Variants in EEPD1 observed in about 807,000 individuals in gnomAD.
EEPD1 encodes endonuclease/exonuclease/phosphatase family domain-containing protein 1.
EEPD1 carries 17 observed loss-of-function variants against 46.3 expected under a neutral mutation model. That is an observed-to-expected ratio of 0.37 (90% CI 0.25 to 0.55). The LOEUF (loss-of-function observed/expected upper bound fraction) is 0.55, where lower values mean the gene tolerates loss of function less well. Ranked by LOEUF, EEPD1 falls within the 20% of genes least tolerant of loss-of-function variation. The probability of loss-of-function intolerance (pLI) is 0.83; values close to 1 mark genes in which losing one functional copy is unlikely to be tolerated. For synonymous variants in EEPD1, 313 were observed against 315.6 expected (o/e 0.99, Z 0.09); for missense variants, 673 against 745.6 (o/e 0.90, Z 1.13).
intron 2 of EEPD1, among the ~76,000 whole-genome samples, chr7:36,186,720 C>G (rs1785364485): frequency 6.6e-6 from 1 of 152,226 alleles, no homozygotes; most frequent in Non-Finnish European, 1.5e-5. Flanking sequence ...TGAATGTGTA[C>G]TCACGTGGGT....
intron 2 of EEPD1, among the ~76,000 whole-genome samples, chr7:36,198,337 GAA>G (rs1785646235): frequency 4.7e-5 from 1 of 21,120 alleles, no homozygotes; most frequent in African/African-American, 2.0e-4. Flanking sequence ...AAAAAAAAAA[GAA>G]AAGAAAAAAA....
chr7:36,278,405 C>T (rs1345181873), intron 3 of EEPD1, among the ~76,000 whole-genome samples: 1 of 150,956 alleles, frequency 6.6e-6, no homozygotes, highest in Non-Finnish European at 1.5e-5. Flanking sequence ...CTGGTGGCAC[C>T]GCTGCAGACA....
chr7:36,252,711 G>A (rs988521391), intron 3 of EEPD1, among the ~76,000 whole-genome samples: 2 of 152,070 alleles, frequency 1.3e-5, no homozygotes, highest in African/African-American at 4.8e-5. Context: ...GGAACTAGCT[G>A]TTGGTGAGCT....
intron 5 of EEPD1, among the ~76,000 whole-genome samples, chr7:36,285,463 C>A (rs1787329660): frequency 6.6e-6 from 1 of 152,190 alleles, no homozygotes; most frequent in Non-Finnish European, 1.5e-5. Context: ...TCTGTCCCCC[C>A]AGCATCTGGG....
At chr7:36,250,508 T>C (rs1786719494) in intron 3 of EEPD1, among the ~76,000 whole-genome samples, 1 of 152,194 alleles carries the variant, frequency 6.6e-6, no homozygotes, top group Non-Finnish European at 1.5e-5. Context: ...ATAGCTTGTT[T>C]TTATAAAGTT....
At position 36,287,795 on chromosome 7, in the gene EEPD1, G is replaced by T; in HGVS notation, c.1315+18G>T. On this transcript the variant is annotated intron_variant, in intron 6 of 7. Coordinates refer to ENST00000242108, the MANE Select transcript of EEPD1 (RefSeq NM_030636.3). ...CCTGAAAGGTAGGACATTGTCTTTT[G>T]CTGTGACTCGGCCACTGTTTTGCAG... The T allele has an allele frequency of 1.2e-6, 2 of 1,612,264 alleles. No homozygotes were observed. The highest frequency in any genetic ancestry group is 1.7e-6 in the Non-Finnish European group (2 of 1,178,830).
chr7:36,235,522 C>T (rs865983883), intron 2 of EEPD1, among the ~76,000 whole-genome samples: 2 of 152,262 alleles, frequency 1.3e-5, no homozygotes, highest in East Asian at 3.8e-4. Context: ...GGCCCGGCTC[C>T]CCTCTGCATC....
chr7:36,180,751 G>A (rs867857695), intron 2 of EEPD1, among the ~76,000 whole-genome samples: 3 of 151,990 alleles, frequency 2.0e-5, no homozygotes, highest in Non-Finnish European at 2.9e-5. Flanking sequence ...TGGACTGGTC[G>A]GGCTCCTTCC....
At chr7:36,292,591 T>A (rs1350411358) in intron 6 of EEPD1, among the ~76,000 whole-genome samples, 2 of 152,044 alleles carry the variant, frequency 1.3e-5, no homozygotes, top group African/African-American at 4.8e-5. Context: ...CACTGCAACC[T>A]CTGTCTCCCG....
intron 2 of EEPD1, among the ~76,000 whole-genome samples, chr7:36,226,380 C>T (rs1177567054): frequency 6.6e-6 from 1 of 152,188 alleles, no homozygotes; most frequent in Non-Finnish European, 1.5e-5. Flanking sequence ...GCCACAGAAG[C>T]GGGCGTCAGT....
Position 36,243,570 on chromosome 7 carries a change from A to G in EEPD1, c.930+4534A>G, listed in dbSNP as rs1221037688. 2.0e-5 allele frequency among the ~76,000 whole-genome samples: 3 copies of G among 152,152 alleles called. No individual in the cohort carries two copies. The East Asian group carries it at 5.8e-4, about 29-fold the overall frequency. On this transcript the variant is annotated intron_variant, in intron 3 of 7. Coordinates refer to ENST00000242108, the MANE Select transcript of EEPD1 (RefSeq NM_030636.3). ...ACTGAACTCCCAACACCCTGCTGTG[A>G]TAGAACTGGTCGCTTCTAGCCAGAC...
At chr7:36,206,942 G>A (rs557397398) in intron 2 of EEPD1, among the ~76,000 whole-genome samples, 1 of 152,202 alleles carries the variant, frequency 6.6e-6, no homozygotes, top group Non-Finnish European at 1.5e-5. Context: ...CCAGCTATTC[G>A]GGAGGCTGAG....
chr7:36,225,952 A>T lies in EEPD1; in HGVS notation c.879-13033A>T, dbSNP rs1274711633. On this transcript the variant is annotated intron_variant, in intron 2 of 7. Coordinates refer to ENST00000242108, the MANE Select transcript of EEPD1 (RefSeq NM_030636.3). This position sits in a 1 kb window ranked among gnomAD's most constrained non-coding sequence, Gnocchi z 4.2. ...AATTCATTTTAAAGACATGTCTTAG[A>T]TGCTCAAGAGTTAAAACAGAGCTCA... Among the ~76,000 whole-genome samples, 1 of 152,228 alleles carries T rather than the reference A, an allele frequency of 6.6e-6. No individual in the cohort carries two copies. Among genetic ancestry groups the T allele is most frequent in the East Asian group, 1.9e-4 (1 of 5,202 alleles).
intron 2 of EEPD1, among the ~76,000 whole-genome samples, chr7:36,229,675 C>T (rs2098368): frequency 0.46 from 69,541 of 151,848 alleles, 17,622 homozygotes; most frequent in Admixed American, 0.56. Context: ...GCTTACCTGG[C>T]ATTCTGTAAA....
chr7:36,287,840 C>T, intron 6 of EEPD1, 63 bp downstream of exon 6: 1 of 1,582,496 alleles, frequency 6.3e-7, no homozygotes, highest in Non-Finnish European at 8.6e-7. Context: ...GCTGCCTCTT[C>T]TGAGCCATCT....
intron 2 of EEPD1, among the ~76,000 whole-genome samples, chr7:36,183,201 C>G (rs937685843): frequency 6.6e-6 from 1 of 151,994 alleles, no homozygotes; most frequent in Non-Finnish European, 1.5e-5. Flanking sequence ...GCTGTGTAGA[C>G]GGCACGCATG....
At chr7:36,266,105 T>C (rs759061610) in intron 3 of EEPD1, among the ~76,000 whole-genome samples, 24 of 152,108 alleles carry the variant, frequency 1.6e-4, no homozygotes, top group Non-Finnish European at 2.8e-4. Flanking sequence ...CACTTGGGGT[T>C]TGCCACGCTC....
chr7:36,209,251 C>G (rs2540671), intron 2 of EEPD1, among the ~76,000 whole-genome samples: 149,053 of 152,330 alleles, frequency 0.98, 73,012 homozygotes, highest in East Asian at 1. Flanking sequence ...ATTTTATACT[C>G]ACTGTCTCTT....
At chr7:36,195,946 A>T (rs1276153612) in intron 2 of EEPD1, among the ~76,000 whole-genome samples, 1 of 152,208 alleles carries the variant, frequency 6.6e-6, no homozygotes, top group Non-Finnish European at 1.5e-5. Flanking sequence ...AACATCCTAG[A>T]GTGTATTTAC....
Sources: allele counts gnomAD v4.1 joint callset (sites outside exome capture counted in the v4.1 genomes callset), GRCh38; gene constraint gnomAD v4.1.1; non-coding constraint Gnocchi (gnomAD v3.1); transcripts MANE v1.5; gene names NCBI Gene and HGNC (gene_info 2026-07-23, HGNC 2026-07-21).